The following SCARA3 variants were observed in gnomAD, a reference collection of about 807,000 sequenced individuals.
SCARA3 encodes cellular stress response gene protein.
A neutral mutation model predicts 47.0 loss-of-function variants in SCARA3; 39 were observed. The observed-to-expected ratio is 0.83, with a 90% CI of 0.64 to 1.08. The LOEUF (loss-of-function observed/expected upper bound fraction) is 1.08, where lower values mean the gene tolerates loss of function less well. Ranked by LOEUF, SCARA3 falls within the 50% of genes least tolerant of loss-of-function variation. SCARA3 has a pLI of 0.00. For missense variants in SCARA3, 724 were observed against 792.3 expected (o/e 0.91, Z 1.04); for synonymous variants, 356 against 334.1 (o/e 1.07, Z -0.71).
chr8:27,658,779 C>T lies in SCARA3; in HGVS notation c.609C>T (p.Asp203=). Residue 203 remains aspartate (D), a synonymous_variant, in exon 5 of 6, where the codon GAC becomes GAT. Transcript: ENST00000301904. ...RGWQATTAGL[D]LSLKDLTQEC... ...GGCAGGCCACCACAGCTGGCCTGGACCTCTCTCTGAAGGACCTCACCCAGG... is the reference window on the plus strand; with the variant it reads ...GGCAGGCCACCACAGCTGGCCTGGATCTCTCTCTGAAGGACCTCACCCAGG... The T allele has an allele frequency of 6.2e-7, 1 of 1,614,066 alleles. No homozygotes were observed. Among genetic ancestry groups the T allele is most frequent in the Non-Finnish European group, 8.5e-7 (1 of 1,179,994 alleles).
At chr8:27,675,500 C>T (rs1324666592), downstream of SCARA3, among the ~76,000 whole-genome samples, 1 of 152,160 alleles carries the variant, frequency 6.6e-6, no homozygotes. Context: ...AGACTCTGTG[C>T]TTGGTGTGGC....
the SCARA3 span, among the ~76,000 whole-genome samples, chr8:27,710,915 A>ATTTTTTTTTTTTTTT: frequency 1.0e-5 from 1 of 96,786 alleles, no homozygotes; most frequent in Non-Finnish European, 1.9e-5. Flanking sequence ...CTCATAGGTG[A>ATTTTTTTTTTTTTTT]TTTTTTTTTT....
intron 1 of SCARA3, among the ~76,000 whole-genome samples, chr8:27,636,941 C>T (rs772266399): frequency 4.6e-5 from 7 of 152,172 alleles, no homozygotes; most frequent in East Asian, 1.9e-4. Context: ...GTAAAGTGCC[C>T]GGCAGAGTAG....
chr8:27,726,591 T>C, the SCARA3 span, among the ~76,000 whole-genome samples: 1 of 151,878 alleles, frequency 6.6e-6, no homozygotes, highest in Non-Finnish European at 1.5e-5. Flanking sequence ...TCCCAGCGAC[T>C]TGGGAGACTG....
chr8:27,649,111 G>T (rs1431499001), intron 1 of SCARA3, among the ~76,000 whole-genome samples: 1 of 152,200 alleles, frequency 6.6e-6, no homozygotes, highest in Non-Finnish European at 1.5e-5. Context: ...TTGTCCCAGA[G>T]AATAAGCACC....
chr8:27,660,560 T>C (rs1801877497), intron 5 of SCARA3, among the ~76,000 whole-genome samples: 1 of 144,820 alleles, frequency 6.9e-6, no homozygotes, highest in Non-Finnish European at 1.5e-5. Flanking sequence ...GATAGATAGA[T>C]AATAGATAGA....
chr8:27,707,424 A>G, the SCARA3 span, among the ~76,000 whole-genome samples: 1 of 152,112 alleles, frequency 6.6e-6, no homozygotes, highest in Non-Finnish European at 1.5e-5. Context: ...AACAAGAACT[A>G]GCTGCTATGA....
chr8:27,642,913 G>T (rs1165168132), intron 1 of SCARA3, among the ~76,000 whole-genome samples: 1 of 152,174 alleles, frequency 6.6e-6, no homozygotes, highest in Non-Finnish European at 1.5e-5. Context: ...GGGAGTCGGG[G>T]GGGTTGGTGC....
intron 5 of SCARA3, among the ~76,000 whole-genome samples, chr8:27,660,842 CTAGATAGA>C (rs113873031): frequency 0.26 from 29,326 of 113,532 alleles, 3,354 homozygotes; most frequent in East Asian, 0.5. Flanking sequence ...AGCTAGCTAG[CTAGATAGA>C]TAGATAGATA....
In SCARA3 at chr8:27,656,824, C is replaced by T. The variant is rs150176873; in HGVS notation, c.269C>T (p.Thr90Ile). The change falls in exon 4 of 6, where the codon ACC (threonine) becomes ATC (isoleucine). Residue 90 changes from threonine to isoleucine, a missense_variant. Coordinates refer to ENST00000301904, the MANE Select transcript of SCARA3 (RefSeq NM_016240.3). ...VDSLSEDISL[T>I]QSIYDKKLVL... ...TCTCTCTCCGAAGACATCTCCTTGA[C>T]CCAGTCTATTTATGACAAGAAGCTT... is the stretch of plus-strand genomic sequence containing the variant. 65 of 1,613,166 alleles carry T rather than the reference C, an allele frequency of 4.0e-5. No individual in the cohort carries two copies. Among genetic ancestry groups the T allele is most frequent in the Non-Finnish European group, 5.0e-5 (59 of 1,179,212 alleles).
In SCARA3 at chr8:27,659,681, C is replaced by G. The variant is rs988038794; in HGVS notation, c.1369+142C>G. On this transcript the variant is annotated intron_variant, in intron 5 of 5. Transcript: ENST00000301904. ...AGCAAATGCCTACAGCAGTCGGCAG[C>G]TTTAAGAAATGTCCTTGCATTAGCC... 1.6e-5 allele frequency: 11 copies of G among 698,526 alleles called. No individual in the cohort carries two copies. In the African/African-American group the frequency reaches 2.0e-4, roughly 13 times the overall value. 43.3% of individuals were successfully genotyped at this position (698,526 alleles called of 1,614,324 possible).
At chr8:27,686,185 A>G in the SCARA3 span, among the ~76,000 whole-genome samples, 1 of 152,192 alleles carries the variant, frequency 6.6e-6, no homozygotes, top group African/African-American at 2.4e-5. Context: ...TCATGCCTGT[A>G]ACCCCAGTGC....
chr8:27,690,699 A>T, the SCARA3 span, among the ~76,000 whole-genome samples: 1 of 152,096 alleles, frequency 6.6e-6, no homozygotes, highest in Non-Finnish European at 1.5e-5. Flanking sequence ...TACAGTTTTT[A>T]AATTTTTTTT....
chr8:27,685,925 G>T, the SCARA3 span, among the ~76,000 whole-genome samples: 2 of 152,136 alleles, frequency 1.3e-5, no homozygotes, highest in Non-Finnish European at 2.9e-5. Flanking sequence ...AACACATGAG[G>T]TGGGGGGGAA....
chr8:27,679,226 A>C (rs547456019), downstream of SCARA3, among the ~76,000 whole-genome samples: 3 of 152,208 alleles, frequency 2.0e-5, no homozygotes, highest in South Asian at 4.2e-4. Context: ...CTAAGTAAGT[A>C]AGTCTCTACT....
chr8:27,675,336 G>A (rs1802257547), downstream of SCARA3, among the ~76,000 whole-genome samples: 1 of 152,240 alleles, frequency 6.6e-6, no homozygotes, highest in Admixed American at 6.5e-5. Flanking sequence ...TTCCAGTGGG[G>A]CTGGGCTAGG....
chr8:27,653,528 C>T (rs550518449), intron 3 of SCARA3, among the ~76,000 whole-genome samples: 1 of 151,604 alleles, frequency 6.6e-6, no homozygotes, highest in East Asian at 1.9e-4. Context: ...ATGGCAGGTG[C>T]CCAATAATAT....
the SCARA3 span, among the ~76,000 whole-genome samples, chr8:27,686,986 CT>C: frequency 6.6e-6 from 1 of 152,034 alleles, no homozygotes; most frequent in Non-Finnish European, 1.5e-5. Flanking sequence ...AACAACAATC[CT>C]ATTTTATTTT....
chr8:27,643,288 C>T (rs1801422091), intron 1 of SCARA3, among the ~76,000 whole-genome samples: 1 of 152,118 alleles, frequency 6.6e-6, no homozygotes, highest in South Asian at 2.1e-4. Context: ...GGGAGGCAGC[C>T]AAAGGGATTC....
Sources: allele counts gnomAD v4.1 joint callset (sites outside exome capture counted in the v4.1 genomes callset), GRCh38; gene constraint gnomAD v4.1.1; transcripts MANE v1.5; gene names NCBI Gene and HGNC (gene_info 2026-07-23, HGNC 2026-07-21).